The following MICAL2 variants were observed in gnomAD, a reference collection of about 807,000 sequenced individuals.
MICAL2 encodes [F-actin]-monooxygenase MICAL2.
Under a neutral mutation model 127.3 loss-of-function variants are expected in MICAL2, and 77 were observed. That is an observed-to-expected ratio of 0.60 (90% CI 0.50 to 0.73). The LOEUF (loss-of-function observed/expected upper bound fraction) is 0.73. Among genes scored for constraint, MICAL2 ranks in the 30% least tolerant of loss-of-function variants. The pLI, the probability that MICAL2 is intolerant of heterozygous loss-of-function variation, is 0.00. For synonymous variants in MICAL2, 570 were observed against 551.1 expected (o/e 1.03, Z -0.48); for missense variants, 1,351 against 1,434.4 (o/e 0.94, Z 0.94).
At chr11:12,292,724 A>C (rs556931053), downstream of MICAL2, among the ~76,000 whole-genome samples, 1 of 152,188 alleles carries the variant, frequency 6.6e-6, no homozygotes, top group East Asian at 1.9e-4. Context: ...AAATGTCATC[A>C]TTGGTATGCA....
In MICAL2 at chr11:12,220,452, G is replaced by T; in HGVS notation, c.1200G>T (p.Leu400Phe). 2 of 1,608,408 alleles carry T rather than the reference G, an allele frequency of 1.2e-6. No individual in the cohort carries two copies. Among genetic ancestry groups the T allele is most frequent in the Non-Finnish European group, 1.7e-6 (2 of 1,179,866 alleles). ...QLLVALVGDS[L>F]LEPFWPMGTG... ...TCGTGGCCCTTGTGGGTGACAGCTT[G>T]CTTGAGGTACTGCCTGAGCTCGGAG... The change falls in exon 9 of 28, where the codon TTG (leucine) becomes TTT (phenylalanine). Residue 400 changes from leucine (L) to phenylalanine (F), a missense_variant. Coordinates refer to ENST00000683283, the MANE Select transcript of MICAL2 (RefSeq NM_001282663.2).
At chr11:12,147,344 A>G (rs1024677782) in intron 2 of MICAL2, among the ~76,000 whole-genome samples, 1 of 152,196 alleles carries the variant, frequency 6.6e-6, no homozygotes, top group African/African-American at 2.4e-5. Flanking sequence ...CAACAAACAT[A>G]TACTACCTAC....
chr11:12,195,782 C>T (rs752504245), intron 3 of MICAL2, among the ~76,000 whole-genome samples: 17 of 149,480 alleles, frequency 1.1e-4, no homozygotes, highest in African/African-American at 2.7e-4. Context: ...GAAGACAAAG[C>T]GAGTGAAAAG....
chr11:12,244,731 A>G (rs1179333195), intron 21 of MICAL2, among the ~76,000 whole-genome samples: 1 of 152,168 alleles, frequency 6.6e-6, no homozygotes, highest in Non-Finnish European at 1.5e-5. Context: ...GAGAGGGGCT[A>G]GCCTGTGCAA....
intron 32 of MICAL2, among the ~76,000 whole-genome samples, chr11:12,348,030 T>G (rs1425213781): frequency 6.6e-6 from 1 of 151,914 alleles, no homozygotes; most frequent in South Asian, 2.1e-4. Context: ...GGCACACACC[T>G]GTAGTCCTAG....
intron 31 of MICAL2, among the ~76,000 whole-genome samples, chr11:12,325,799 G>A (rs1565305833): frequency 6.6e-6 from 1 of 152,192 alleles, no homozygotes; most frequent in East Asian, 1.9e-4. Context: ...TTCAACATAT[G>A]CATTTGGGGT....
In MICAL2 at chr11:12,260,288, C is replaced by A. The variant is rs1862926366; in HGVS notation, c.3334+391C>A. ...CCTAGCATTCTCTAAGCAATTAGCT[C>A]AAAGCCAAAGAATTTCACATGGGCC... On this transcript the variant is annotated intron_variant, in intron 26 of 27. Transcript: ENST00000683283. The A allele has an allele frequency of 3.5e-6, 5 of 1,427,356 alleles. No individual in the cohort carries two copies. In the Admixed American group the frequency reaches 1.2e-4, roughly 34 times the overall value. The allele number at this position is 1,427,356 out of a possible 1,614,324, so 88.4% of individuals were successfully genotyped here.
intron 34 of MICAL2, among the ~76,000 whole-genome samples, chr11:12,357,199 C>A (rs1735651652): frequency 6.6e-6 from 1 of 152,188 alleles, no homozygotes; most frequent in African/African-American, 2.4e-5. Context: ...AGGAGGCTCC[C>A]CACCCAGTCC....
At chr11:12,292,013 C>T, downstream of MICAL2, 2 of 1,161,614 alleles carry the variant, frequency 1.7e-6, no homozygotes, top group Admixed American at 2.3e-5. Flanking sequence ...GCACCAGGAA[C>T]CTCTGAGTCA....
At chr11:12,335,400 G>A (rs1938732805) in intron 32 of MICAL2, among the ~76,000 whole-genome samples, 1 of 151,822 alleles carries the variant, frequency 6.6e-6, no homozygotes, top group South Asian at 2.1e-4. Context: ...CCATTCTGTA[G>A]GTTGCCTGTT....
intron 17 of MICAL2, among the ~76,000 whole-genome samples, chr11:12,240,017 A>C (rs2706631): frequency 0.91 from 138,032 of 152,286 alleles, 63,021 homozygotes; most frequent in Middle Eastern, 0.96. Context: ...ATACAGTTTG[A>C]AGGAGCTTTG....
intron 3 of MICAL2, among the ~76,000 whole-genome samples, chr11:12,194,640 A>C (rs11602685): frequency 0.087 from 13,307 of 152,132 alleles, 632 homozygotes; most frequent in African/African-American, 0.12. Context: ...TGTGAGATTT[A>C]TCTGACACCC....
At chr11:12,358,807 T>G, downstream of MICAL2, 1 of 176,238 alleles carries the variant, frequency 5.7e-6, no homozygotes, top group Non-Finnish European at 1.2e-5. Flanking sequence ...CTTTTATCAT[T>G]TTCCTTCCCA....
intron 5 of MICAL2, among the ~76,000 whole-genome samples, 195 bp from the exon 6 acceptor site, chr11:12,209,302 T>C (rs545097135): frequency 2.6e-4 from 39 of 152,292 alleles, no homozygotes; most frequent in African/African-American, 9.4e-4. Flanking sequence ...TCATCCTGGA[T>C]TGAACTGACA....
intron 3 of MICAL2, among the ~76,000 whole-genome samples, chr11:12,202,976 T>C (rs894115895): frequency 2.0e-5 from 3 of 152,248 alleles, no homozygotes; most frequent in African/African-American, 7.2e-5. Context: ...TAATCCACTT[T>C]TGTCTCATGG....
At chr11:12,138,160 C>T (rs1188757336) in intron 1 of MICAL2, among the ~76,000 whole-genome samples, 1 of 151,962 alleles carries the variant, frequency 6.6e-6, no homozygotes, top group Non-Finnish European at 1.5e-5. Context: ...CTTAGGGTGC[C>T]CTGACTGCAG....
chr11:12,271,990 G>A (rs531894550), upstream of MICAL2, among the ~76,000 whole-genome samples: 14 of 152,284 alleles, frequency 9.2e-5, no homozygotes, highest in South Asian at 2.3e-3. Context: ...TGTGAGAGAC[G>A]CTGGCCCTGG....
intron 2 of MICAL2, among the ~76,000 whole-genome samples, chr11:12,155,527 T>C (rs1415201798): frequency 6.6e-6 from 1 of 152,064 alleles, no homozygotes; most frequent in East Asian, 1.9e-4. Flanking sequence ...CACACATTCA[T>C]ACATATATAC....
In MICAL2 at chr11:12,204,609, T is replaced by C. The variant is rs1443047098; in HGVS notation, c.472+152T>C. 5 of 755,324 alleles carry C rather than the reference T, an allele frequency of 6.6e-6. No homozygotes were observed. In the African/African-American group the frequency reaches 8.8e-5, roughly 13 times the overall value. 46.8% of individuals were successfully genotyped at this position (755,324 alleles called of 1,614,324 possible). ...AACAGACAACTAGTAAAAGGCCTGC[T>C]TTGTGCCTTGTTCTGGGCCCTGGGT... On this transcript the variant is annotated intron_variant, in intron 4 of 27. Transcript: ENST00000683283.
Sources: gnomAD v4.1 joint callset for allele counts (sites outside exome capture counted in the v4.1 genomes callset) on GRCh38, gnomAD v4.1.1 for gene constraint, MANE v1.5 for transcripts, NCBI Gene and HGNC (gene_info 2026-07-23, HGNC 2026-07-21) for gene names.